Variants in BCAS3 observed in about 807,000 individuals in gnomAD.
The protein encoded by BCAS3 is BCAS3 microtubule associated cell migration factor.
In BCAS3, 53 loss-of-function variants were observed where a neutral mutation model predicts 116.1. That is an observed-to-expected ratio of 0.46 (90% confidence interval 0.37 to 0.57). BCAS3 has a LOEUF of 0.57. Ranked by LOEUF, BCAS3 falls within the 20% of genes least tolerant of loss-of-function variation. The pLI, the probability that BCAS3 is intolerant of heterozygous loss-of-function variation, is 0.00. For missense variants in BCAS3, 917 were observed against 1,165.4 expected (o/e 0.79, Z 3.10); for synonymous variants, 391 against 408.2 (o/e 0.96, Z 0.51).
chr17:60,991,587 A>G (rs933841212), intron 15 of BCAS3, among the ~76,000 whole-genome samples: 2 of 152,224 alleles, frequency 1.3e-5, no homozygotes, highest in African/African-American at 4.8e-5. Flanking sequence ...GGAATCTTAT[A>G]TAGAGAGATT....
rs2075398483 is a variant in BCAS3 at position 61,115,849 on chromosome 17, C to G, written c.2425+31285C>G. ...AAGACTTGGAACCAACCCAAATGTC[C>G]AACAATGATAGACCGGATTAAGAAA... is the stretch of plus-strand genomic sequence containing the variant. On this transcript the variant is annotated intron_variant, in intron 22 of 23. Transcript: ENST00000407086. 2.0e-5 allele frequency among the ~76,000 whole-genome samples: 3 copies of G among 151,474 alleles called. No individual in the cohort carries two copies. In the East Asian group the frequency reaches 5.8e-4, roughly 29 times the overall value.
intron 7 of BCAS3, among the ~76,000 whole-genome samples, chr17:60,849,383 C>G (rs1220061869): frequency 6.6e-6 from 1 of 151,268 alleles, no homozygotes; most frequent in Non-Finnish European, 1.5e-5. Flanking sequence ...TCTGCATGAA[C>G]TAGTCTATTT....
intron 7 of BCAS3, among the ~76,000 whole-genome samples, chr17:60,812,842 A>C (rs1314900692): frequency 6.6e-6 from 1 of 152,054 alleles, no homozygotes; most frequent in Non-Finnish European, 1.5e-5. Flanking sequence ...TGGGCTCAAG[A>C]GATCCTCCCA....
At chr17:60,752,192 G>A (rs1201845868) in intron 6 of BCAS3, among the ~76,000 whole-genome samples, 1 of 150,964 alleles carries the variant, frequency 6.6e-6, no homozygotes, top group African/African-American at 2.4e-5. Flanking sequence ...GTGTGTAAGT[G>A]TAATATTTTT....
In BCAS3 at chr17:61,285,842, A is replaced by G. The variant is rs1239671227; in HGVS notation, c.2426-82485A>G. Among the ~76,000 whole-genome samples the G allele has an allele frequency of 1.3e-5, 2 of 152,134 alleles. No homozygotes were observed. The highest frequency in any genetic ancestry group is 4.8e-5 in the African/African-American group (2 of 41,428). ...TTCTCATGTCTTCCCTCCCATCTCC[A>G]GTCCCTACTTTAGGCGAATCAGCTT... On this transcript the variant is annotated intron_variant, in intron 22 of 23. Coordinates refer to ENST00000407086, the MANE Select transcript of BCAS3 (RefSeq NM_017679.5). The surrounding 1 kb of genome is among the most constrained non-coding windows in gnomAD (Gnocchi z 5.4).
At chr17:60,988,338 C>CTTTTTTTTTTTTT (rs71148317) in intron 14 of BCAS3, among the ~76,000 whole-genome samples, 44 of 66,760 alleles carry the variant, frequency 6.6e-4, no homozygotes, top group Non-Finnish European at 9.1e-4. Flanking sequence ...TTTTCTTTTT[C>CTTTTTTTTTTTTT]TTTTTTTTTT....
At position 60,689,701 on chromosome 17, in the gene BCAS3, C is replaced by A. The variant is rs1568020726; in HGVS notation, c.154C>A (p.Pro52Thr). 2 of 1,604,360 alleles carry A rather than the reference C, an allele frequency of 1.2e-6. No individual in the cohort carries two copies. The highest frequency in any genetic ancestry group is 2.2e-5 in the South Asian group (2 of 90,670). The change falls in exon 4 of 24, where the codon CCT becomes ACT. Residue 52 changes from proline (P) to threonine (T), a missense_variant. Transcript: ENST00000407086. ...TACTATGCAGGCTTACAGTGGAACA[C>A]CTCTAACAGAAGAAAAGGAGAAAAT... ...DVVPQAYSGT[P>T]LTEEKEKIVW...
At chr17:61,121,953 C>T (rs377761142) in intron 22 of BCAS3, among the ~76,000 whole-genome samples, 3 of 152,178 alleles carry the variant, frequency 2.0e-5, no homozygotes, top group Non-Finnish European at 4.4e-5. Context: ...TGGTCTTGAA[C>T]TCCTGACATC....
intron 5 of BCAS3, among the ~76,000 whole-genome samples, chr17:60,741,245 C>T (rs1043601850): frequency 6.6e-6 from 1 of 152,078 alleles, no homozygotes; most frequent in African/African-American, 2.4e-5. Context: ...CAGCTTTTTA[C>T]CTGTGGTCAG....
chr17:60,877,173 GATAT>G (rs10538503), intron 9 of BCAS3, among the ~76,000 whole-genome samples: 38 of 147,366 alleles, frequency 2.6e-4, no homozygotes, highest in African/African-American at 7.1e-4. Context: ...TTTAAGAAAT[GATAT>G]ATATATATAT....
chr17:60,847,741 G>A (rs1013325488), intron 7 of BCAS3, among the ~76,000 whole-genome samples: 2 of 151,914 alleles, frequency 1.3e-5, no homozygotes, highest in African/African-American at 4.8e-5. Flanking sequence ...CAGAATATTA[G>A]ACCCTTATTT....
intron 6 of BCAS3, among the ~76,000 whole-genome samples, chr17:60,796,584 A>G (rs892284822): frequency 5.3e-5 from 8 of 152,104 alleles, no homozygotes; most frequent in Non-Finnish European, 1.2e-4. Flanking sequence ...TTCATTTCCT[A>G]GTGAGGTTAT....
Position 61,244,820 on chromosome 17 carries a change from G to A in BCAS3, c.2426-123507G>A, listed in dbSNP as rs1211840500. Among the ~76,000 whole-genome samples the A allele has an allele frequency of 2.6e-5, 4 of 152,002 alleles. No homozygotes were observed. The highest frequency in any genetic ancestry group is 6.6e-5 in the Admixed American group (1 of 15,250). ...AGAGCTTGCAGTGAGCCGAGATCGCGCCACTGTACCCCAGCCTGAGCAACA... is the reference window on the plus strand; with the variant it reads ...AGAGCTTGCAGTGAGCCGAGATCGCACCACTGTACCCCAGCCTGAGCAACA... On this transcript the variant is annotated intron_variant, in intron 22 of 23. Transcript: ENST00000407086. This position sits in a 1 kb window ranked among gnomAD's most constrained non-coding sequence, Gnocchi z 4.9.
chr17:61,375,123 G>A (rs532131411), intron 23 of BCAS3, among the ~76,000 whole-genome samples: 4 of 152,112 alleles, frequency 2.6e-5, no homozygotes, highest in African/African-American at 7.2e-5. Context: ...TTGAACATTA[G>A]GCAGTTTTTA....
intron 22 of BCAS3, among the ~76,000 whole-genome samples, chr17:61,331,675 G>T (rs975268217): frequency 6.6e-6 from 1 of 152,134 alleles, no homozygotes. Context: ...AGGAAAAAAA[G>T]AAAAAGGTTC....
At chr17:60,729,424 A>G (rs2040240566) in intron 5 of BCAS3, among the ~76,000 whole-genome samples, 1 of 151,164 alleles carries the variant, frequency 6.6e-6, no homozygotes, top group Non-Finnish European at 1.5e-5. Flanking sequence ...AACAAAAAGA[A>G]ATTGCCCAAG....
At chr17:60,759,329 G>T (rs2043289555) in intron 6 of BCAS3, among the ~76,000 whole-genome samples, 1 of 152,160 alleles carries the variant, frequency 6.6e-6, no homozygotes, top group African/African-American at 2.4e-5. Flanking sequence ...AAGAAAATTC[G>T]CAGAGTGTAT....
intron 6 of BCAS3, among the ~76,000 whole-genome samples, chr17:60,802,918 A>G (rs2047948267): frequency 2.6e-5 from 4 of 152,050 alleles, no homozygotes. Flanking sequence ...TGCCCAGTCT[A>G]TTTGTCGACT....
In BCAS3 at chr17:60,792,105, G is replaced by A. The variant is rs557708248; in HGVS notation, c.404-15899G>A. ...GCCACTGTACTCCATCTTGGGCGAC[G>A]GAGCTAGACTCCATCTCAAAAACAA... On this transcript the variant is annotated intron_variant, in intron 6 of 23. Coordinates refer to ENST00000407086, the MANE Select transcript of BCAS3 (RefSeq NM_017679.5). Among the ~76,000 whole-genome samples, 359 of 152,242 alleles carry A rather than the reference G, an allele frequency of 2.4e-3. 1 individual carries two copies. Among genetic ancestry groups the A allele is most frequent in the African/African-American group, 8.3e-3 (344 of 41,564 alleles).
Sources: gnomAD v4.1 joint callset for allele counts (sites outside exome capture counted in the v4.1 genomes callset) on GRCh38, gnomAD v4.1.1 for gene constraint, Gnocchi (gnomAD v3.1) non-coding constraint, MANE v1.5 for transcripts, NCBI Gene and HGNC (gene_info 2026-07-23, HGNC 2026-07-21) for gene names.